The following EIF3J variants were observed in gnomAD, a reference collection of about 807,000 sequenced individuals.
EIF3J encodes eukaryotic translation initiation factor 3, subunit 1 (alpha, 35kD).
Under a neutral mutation model 39.0 loss-of-function variants are expected in EIF3J, and 15 were observed. That is an observed-to-expected ratio of 0.38 (90% CI 0.26 to 0.59). The LOEUF is 0.59. Among genes scored for constraint, EIF3J ranks in the 20% least tolerant of loss-of-function variants. EIF3J has a pLI of 0.60. For synonymous variants in EIF3J, 98 were observed against 112.9 expected (o/e 0.87, Z 0.84); for missense variants, 226 against 308.6 (o/e 0.73, Z 2.00).
At chr15:44,543,686 A>G (rs1372161881) in intron 2 of EIF3J, among the ~76,000 whole-genome samples, 3 of 152,178 alleles carry the variant, frequency 2.0e-5, no homozygotes, top group Admixed American at 2.0e-4. Flanking sequence ...TGCTGGGATT[A>G]CAGGCATGAG....
chr15:44,549,721 C>T (rs1300805170), intron 2 of EIF3J, among the ~76,000 whole-genome samples: 1 of 134,516 alleles, frequency 7.4e-6, no homozygotes, highest in Non-Finnish European at 1.5e-5. Context: ...GAGCTGAGAT[C>T]GTCCCTGTAT....
rs558145869 is a variant in EIF3J at position 44,562,192 on chromosome 15, T to C, written c.*1043T>C. ...ACTAAATCTTAATAAATGCTTGACA[T>C]AGTTACAGCTTTAAAACATGAGTGA... On this transcript the variant is annotated 3_prime_UTR_variant, in exon 8 of 8. Transcript: ENST00000261868. 2.0e-5 allele frequency: 3 copies of C among 152,730 alleles called. No individual in the cohort carries two copies. Among genetic ancestry groups the C allele is most frequent in the Admixed American group, 6.5e-5 (1 of 15,306 alleles). The allele number at this position is 152,730 out of a possible 1,614,324, so 9.5% of individuals were successfully genotyped here. A position where few individuals can be genotyped will look rare whatever the true frequency, so the allele number is the denominator to read the frequency against.
chr15:44,552,389 C>A (rs2140898401), intron 4 of EIF3J, among the ~76,000 whole-genome samples: 1 of 151,866 alleles, frequency 6.6e-6, no homozygotes, highest in East Asian at 2.0e-4. Flanking sequence ...GAATTACAGG[C>A]ACACGCAACC....
chr15:44,557,404 A>T, intron 5 of EIF3J, 85 bp from the exon 6 acceptor site: 1 of 1,042,518 alleles, frequency 9.6e-7, no homozygotes, highest in South Asian at 2.3e-5. Flanking sequence ...CGACAGGGTT[A>T]TTCAGATAGC....
chr15:44,550,633 A>T lies in EIF3J; in HGVS notation c.148-243A>T, dbSNP rs1204087614. ...AAATGCGCAGAGCCTCTAATAGGGA[A>T]ATCACTTTAAAACACTTCTGAAAGG... On this transcript the variant is annotated intron_variant, in intron 2 of 7. Coordinates refer to ENST00000261868, the MANE Select transcript of EIF3J (RefSeq NM_003758.4). 4 of 322,568 alleles carry T rather than the reference A, an allele frequency of 1.2e-5. No homozygotes were observed. The East Asian group carries it at 1.5e-4, about 12-fold the overall frequency. The allele number at this position is 322,568 out of a possible 1,614,324, so 20.0% of individuals were successfully genotyped here.
At chr15:44,554,459 A>G (rs930326334) in intron 4 of EIF3J, 94 bp from the exon 5 acceptor site, 7 of 450,606 alleles carry the variant, frequency 1.6e-5, no homozygotes, top group Admixed American at 4.0e-5. Flanking sequence ...TTTATTTGTT[A>G]TTATATACGC....
intron 2 of EIF3J, among the ~76,000 whole-genome samples, chr15:44,545,944 G>A (rs2082049459): frequency 1.3e-5 from 2 of 152,146 alleles, no homozygotes; most frequent in African/African-American, 4.8e-5. Context: ...CCTTCTTACA[G>A]GACTGTTGTG....
intron 6 of EIF3J, 37 bp from the exon 7 acceptor site, chr15:44,560,212 A>C (rs2082180148): frequency 6.4e-7 from 1 of 1,570,712 alleles, no homozygotes; most frequent in Non-Finnish European, 8.6e-7. Context: ...AAATGCTTAA[A>C]AATTCAAGTT....
At chr15:44,552,580 T>TA (rs1306952478) in intron 4 of EIF3J, among the ~76,000 whole-genome samples, 2 of 150,610 alleles carry the variant, frequency 1.3e-5, no homozygotes, top group African/African-American at 5.0e-5. Flanking sequence ...TTTTTTTTTT[T>TA]AGAGATGGAG....
chr15:44,562,538 C>T lies in EIF3J; in HGVS notation c.*1389C>T, dbSNP rs2082213188. 1 of 152,906 alleles carries T rather than the reference C, an allele frequency of 6.5e-6. No individual in the cohort carries two copies. The highest frequency in any genetic ancestry group is 1.5e-5 in the Non-Finnish European group (1 of 68,304). The allele number at this position is 152,906 out of a possible 1,614,324, so 9.5% of individuals were successfully genotyped here. On this transcript the variant is annotated 3_prime_UTR_variant, in exon 8 of 8. Transcript: ENST00000261868. ...AGGAAATAATAGGAACGTCAAAGCT[C>T]TGTATACCTACTAAGTGGAAAACAA... is the stretch of plus-strand genomic sequence containing the variant.
At chr15:44,539,790 G>C (rs1369494345) in intron 2 of EIF3J, among the ~76,000 whole-genome samples, 1 of 139,258 alleles carries the variant, frequency 7.2e-6, no homozygotes, top group Non-Finnish European at 1.5e-5. Flanking sequence ...TTTTTTGAGA[G>C]AAGGTCTCAC....
chr15:44,545,177 C>CAGGACTCAGGGAAGA (rs2082043794), intron 2 of EIF3J, among the ~76,000 whole-genome samples: 1 of 152,120 alleles, frequency 6.6e-6, no homozygotes, highest in Non-Finnish European at 1.5e-5. Context: ...TTTTATACTT[C>CAGGACTCAGGGAAGA]AGGACTCAGG....
intron 2 of EIF3J, among the ~76,000 whole-genome samples, chr15:44,543,417 C>CTTTTTTTTT (rs759322625): frequency 7.4e-6 from 1 of 135,422 alleles, no homozygotes; most frequent in African/African-American, 2.7e-5. Context: ...ATAGGAACCA[C>CTTTTTTTTT]TTTTTTTTTT....
chr15:44,557,911 G>A (rs539300610), intron 6 of EIF3J: 6 of 232,950 alleles, frequency 2.6e-5, no homozygotes, highest in African/African-American at 4.5e-5. Flanking sequence ...CAGCAAAGCA[G>A]CTAATAAAAC....
At chr15:44,544,696 C>A (rs2082039381) in intron 2 of EIF3J, among the ~76,000 whole-genome samples, 3 of 97,958 alleles carry the variant, frequency 3.1e-5, no homozygotes, top group African/African-American at 8.2e-5. Flanking sequence ...AAGAGCAAAA[C>A]TCCATTTAAA....
intron 2 of EIF3J, among the ~76,000 whole-genome samples, chr15:44,548,436 C>T (rs936680551): frequency 7.2e-5 from 11 of 152,062 alleles, no homozygotes; most frequent in African/African-American, 2.4e-4. Context: ...ACCAAAAAAA[C>T]CCAGTATGGT....
intron 1 of EIF3J, 42 bp downstream of exon 1, chr15:44,537,279 C>G (rs1281124229): frequency 6.4e-7 from 1 of 1,566,864 alleles, no homozygotes; most frequent in Admixed American, 1.9e-5. Flanking sequence ...CCGGCGCCGG[C>G]CCCACGCAGT....
chr15:44,553,201 A>G (rs74705971), intron 4 of EIF3J, among the ~76,000 whole-genome samples: 1 of 151,832 alleles, frequency 6.6e-6, no homozygotes, highest in African/African-American at 2.4e-5. Flanking sequence ...AAAAAAAAAA[A>G]GAAGAAAACG....
intron 2 of EIF3J, among the ~76,000 whole-genome samples, chr15:44,544,786 A>G (rs913729997): frequency 1.3e-5 from 2 of 151,448 alleles, no homozygotes; most frequent in Non-Finnish European, 2.9e-5. Context: ...TGGGTGGATC[A>G]CGAGGTCAAG....
Sources: gnomAD v4.1 joint callset for allele counts (sites outside exome capture counted in the v4.1 genomes callset) on GRCh38, gnomAD v4.1.1 for gene constraint, MANE v1.5 for transcripts, NCBI Gene and HGNC (gene_info 2026-07-23, HGNC 2026-07-21) for gene names.